PCDH15: variants seen among roughly 807,000 people sequenced by gnomAD.
The protein encoded by PCDH15 is protocadherin-15.
A neutral mutation model predicts 178.5 loss-of-function variants in PCDH15; 129 were observed. That is an observed-to-expected ratio of 0.72 (90% CI 0.63 to 0.84). PCDH15 has a LOEUF of 0.84. PCDH15 is among the 40% of genes least tolerant of loss of function. The probability of loss-of-function intolerance (pLI) is 0.00; values close to 1 mark genes in which losing one functional copy is unlikely to be tolerated. For synonymous variants in PCDH15, 800 were observed against 732.0 expected, an observed-to-expected ratio of 1.09 and a Z score of -1.50; for missense variants, 2,230 against 2,099.9, an observed-to-expected ratio of 1.06 and a Z score of -1.21.
intron 1 of PCDH15, among the ~76,000 whole-genome samples, chr10:54,756,947 G>A: frequency 6.6e-6 from 1 of 152,114 alleles, no homozygotes; most frequent in East Asian, 1.9e-4. Flanking sequence ...AACGTGATTA[G>A]TATTTGGACT....
intron 3 of PCDH15, among the ~76,000 whole-genome samples, chr10:54,819,617 G>A (rs1406987850): frequency 2.0e-5 from 3 of 151,836 alleles, no homozygotes; most frequent in South Asian, 2.1e-4. Flanking sequence ...TTATTTTCAC[G>A]AATGTTTCTC....
rs1412507629 is a variant in PCDH15 at position 54,870,986 on chromosome 10, C to A, written c.-29+26464G>T. Among the ~76,000 whole-genome samples the A allele has an allele frequency of 2.0e-5, 3 of 152,074 alleles. No homozygotes were observed. In the East Asian group the frequency reaches 5.8e-4, roughly 30 times the overall value. On this transcript the variant is annotated intron_variant, in intron 3 of 5. Transcript: ENST00000458638. ...TTTGAACTCAGGTTTTTACTTATAG[C>A]CCCCGGGCAATCTCAGGATCTGCTC... is the stretch of plus-strand genomic sequence containing the variant.
At chr10:54,650,362 A>G (rs1285125551) in intron 2 of PCDH15, among the ~76,000 whole-genome samples, 3 of 152,132 alleles carry the variant, frequency 2.0e-5, no homozygotes, top group Non-Finnish European at 4.4e-5. Flanking sequence ...TGATCTCTAA[A>G]CTAGGCATAA....
chr10:55,225,515 C>G (rs12783222), intron 1 of PCDH15, among the ~76,000 whole-genome samples: 49,297 of 151,672 alleles, frequency 0.33, 8,498 homozygotes, highest in Middle Eastern at 0.39. Flanking sequence ...GCTGTCTTGT[C>G]GGAAGATAGA....
intron 1 of PCDH15, among the ~76,000 whole-genome samples, chr10:54,732,091 G>A (rs1484455237): frequency 1.3e-5 from 2 of 148,170 alleles, no homozygotes; most frequent in African/African-American, 2.5e-5. Flanking sequence ...GCAAAAATTG[G>A]AAAAAAAAAT....
intron 2 of PCDH15, chr10:54,528,468 G>C (rs1208192240): frequency 1.6e-6 from 2 of 1,217,504 alleles, no homozygotes; most frequent in Non-Finnish European, 2.3e-6. Flanking sequence ...GAAAGGAAGA[G>C]AGAATATATG....
chr10:55,219,127 A>C (rs760877461), intron 1 of PCDH15, among the ~76,000 whole-genome samples: 1 of 151,910 alleles, frequency 6.6e-6, no homozygotes, highest in Non-Finnish European at 1.5e-5. Flanking sequence ...ATTCTTTAGG[A>C]GGAAATTTTC....
Position 55,187,225 on chromosome 10 carries a change from C to T in PCDH15, c.-155-20574G>A, listed in dbSNP as rs538095330. Reference sequence around the variant, plus strand: ...CTTTAAAAATCCTTTTGATAATTTCCAAGTCCCAAACAAATACTATTACAT... The same window carrying T: ...CTTTAAAAATCCTTTTGATAATTTCTAAGTCCCAAACAAATACTATTACAT... On this transcript the variant is annotated intron_variant, in intron 1 of 5. Transcript: ENST00000458638. Among the ~76,000 whole-genome samples, 7 of 151,914 alleles carry T rather than the reference C, an allele frequency of 4.6e-5. No individual in the cohort carries two copies. In the East Asian group the frequency reaches 1.4e-3, roughly 29 times the overall value.
At chr10:55,029,611 A>T (rs1840559393) in intron 2 of PCDH15, among the ~76,000 whole-genome samples, 1 of 152,090 alleles carries the variant, frequency 6.6e-6, no homozygotes, top group Admixed American at 6.6e-5. Context: ...ATCGAAACAA[A>T]ATAACCCTAA....
intron 29 of PCDH15, among the ~76,000 whole-genome samples, chr10:53,835,578 A>G (rs1465374767): frequency 6.6e-6 from 1 of 152,124 alleles, no homozygotes; most frequent in Non-Finnish European, 1.5e-5. Context: ...TTTCATGGTG[A>G]GATGTGACCA....
intron 1 of PCDH15, among the ~76,000 whole-genome samples, chr10:55,264,225 A>G (rs188530843): frequency 6.6e-6 from 1 of 152,274 alleles, no homozygotes; most frequent in African/African-American, 2.4e-5. Flanking sequence ...CTTCTTTTTA[A>G]GGGTAAGGCC....
chr10:55,547,872 C>CAATGCAGGG (rs1325859112), intron 2 of PCDH15, among the ~76,000 whole-genome samples: 1 of 118,990 alleles, frequency 8.4e-6, no homozygotes, highest in East Asian at 2.6e-4. Flanking sequence ...CCCAGGCTAA[C>CAATGCAGGG]AATGCAGGGA....
chr10:54,552,132 A>G (rs1301517252), intron 2 of PCDH15, among the ~76,000 whole-genome samples: 1 of 152,076 alleles, frequency 6.6e-6, no homozygotes, highest in African/African-American at 2.4e-5. Context: ...TAAATTAGAC[A>G]TATTTCAGTA....
At chr10:54,322,299 CA>C (rs1307580190) in intron 7 of PCDH15, among the ~76,000 whole-genome samples, 3 of 151,776 alleles carry the variant, frequency 2.0e-5, no homozygotes, top group African/African-American at 7.2e-5. Context: ...TTAAAATCCA[CA>C]AAGAAGATCT....
At chr10:54,999,085 C>G (rs1026042080) in intron 2 of PCDH15, among the ~76,000 whole-genome samples, 18 of 151,910 alleles carry the variant, frequency 1.2e-4, no homozygotes, top group African/African-American at 4.1e-4. Context: ...TGGTTTCTAA[C>G]AGAATGCTCA....
intron 2 of PCDH15, among the ~76,000 whole-genome samples, chr10:55,094,685 T>C (rs1295075561): frequency 6.6e-6 from 1 of 152,120 alleles, no homozygotes; most frequent in Non-Finnish European, 1.5e-5. Flanking sequence ...TTAGCATTCA[T>C]AGTTTTATTT....
At chr10:54,302,266 C>A (rs370895164) in intron 8 of PCDH15, among the ~76,000 whole-genome samples, 2 of 152,078 alleles carry the variant, frequency 1.3e-5, no homozygotes, top group African/African-American at 4.8e-5. Flanking sequence ...GTCAATAACT[C>A]CTACTGAATC....
intron 2 of PCDH15, among the ~76,000 whole-genome samples, chr10:55,497,482 T>C (rs977520452): frequency 4.6e-5 from 7 of 151,788 alleles, no homozygotes; most frequent in African/African-American, 1.5e-4. Flanking sequence ...TGGCTTACTT[T>C]TCTGTAAGTA....
At chr10:55,538,361 G>A (rs114342027) in intron 2 of PCDH15, among the ~76,000 whole-genome samples, 6 of 151,862 alleles carry the variant, frequency 4.0e-5, no homozygotes, top group East Asian at 1.9e-4. Flanking sequence ...TTCATGTTAC[G>A]AATAGGAAAG....
Sources: gnomAD v4.1 joint callset for allele counts (sites outside exome capture counted in the v4.1 genomes callset) on GRCh38, gnomAD v4.1.1 for gene constraint, MANE v1.5 for transcripts, NCBI Gene and HGNC (gene_info 2026-07-23, HGNC 2026-07-21) for gene names.